Variants in EPM2A observed in about 807,000 individuals in gnomAD.
EPM2A encodes EPM2A glucan phosphatase, laforin.
In EPM2A, 21 loss-of-function variants were observed where a neutral mutation model predicts 26.5. The observed-to-expected ratio is 0.79, with a 90% CI of 0.56 to 1.14. The LOEUF (loss-of-function observed/expected upper bound fraction) is 1.14. Ranked by LOEUF, EPM2A falls within the 50% of genes most tolerant of loss-of-function variation. EPM2A has a pLI of 0.00. For missense variants in EPM2A, 458 were observed against 440.8 expected (o/e 1.04, Z -0.35); for synonymous variants, 217 against 177.6 (o/e 1.22, Z -1.76).
At chr6:145,590,193 T>C (rs899079414) in intron 2 of EPM2A, among the ~76,000 whole-genome samples, 5 of 152,034 alleles carry the variant, frequency 3.3e-5, no homozygotes, top group Non-Finnish European at 7.4e-5. Flanking sequence ...CTTGGGAAAA[T>C]CTTCACACTT....
intron 2 of EPM2A, among the ~76,000 whole-genome samples, chr6:145,582,020 T>C (rs1781121214): frequency 6.6e-6 from 1 of 151,212 alleles, no homozygotes; most frequent in Non-Finnish European, 1.5e-5. Flanking sequence ...GGTTCCTCTA[T>C]GTGTGATGTT....
intron 4 of EPM2A, among the ~76,000 whole-genome samples, chr6:145,445,551 C>T (rs138067188): frequency 6.6e-6 from 1 of 152,262 alleles, no homozygotes; most frequent in East Asian, 1.9e-4. Context: ...TAAAATTCTA[C>T]AGAGCTTACT....
intron 1 of EPM2A, among the ~76,000 whole-genome samples, chr6:145,689,738 A>ACACTTC (rs1480963280): frequency 7.9e-5 from 12 of 152,246 alleles, no homozygotes; most frequent in African/African-American, 2.9e-4. Flanking sequence ...AAGCATGGGT[A>ACACTTC]CACTTCCACT....
intron 2 of EPM2A, among the ~76,000 whole-genome samples, chr6:145,605,169 C>T (rs1371210554): frequency 6.6e-6 from 1 of 152,082 alleles, no homozygotes; most frequent in Non-Finnish European, 1.5e-5. Flanking sequence ...CCTTTAAATG[C>T]CAACTTGTAT....
intron 4 of EPM2A, among the ~76,000 whole-genome samples, chr6:145,437,512 C>A (rs977550093): frequency 6.6e-6 from 1 of 152,108 alleles, no homozygotes; most frequent in Non-Finnish European, 1.5e-5. Flanking sequence ...TTTGATTTCT[C>A]AATAAGAAAA....
chr6:145,707,623 G>C (rs564105826), intron 1 of EPM2A, among the ~76,000 whole-genome samples: 1 of 152,154 alleles, frequency 6.6e-6, no homozygotes, highest in African/African-American at 2.4e-5. Context: ...ATGTTCTCTT[G>C]TCTGCTGTCA....
intron 4 of EPM2A, among the ~76,000 whole-genome samples, chr6:145,384,321 A>G (rs1778229199): frequency 6.6e-6 from 1 of 152,208 alleles, no homozygotes; most frequent in Admixed American, 6.5e-5. Context: ...CTTTGCTTTA[A>G]CAAGATGGCT....
chr6:145,606,710 C>T (rs1270076771), intron 2 of EPM2A, among the ~76,000 whole-genome samples: 3 of 152,162 alleles, frequency 2.0e-5, no homozygotes, highest in African/African-American at 7.2e-5. Context: ...TCTGGTTAGT[C>T]TAGAAATGTT....
chr6:145,543,211 C>CT (rs67453085), intron 2 of EPM2A, among the ~76,000 whole-genome samples: 3 of 151,576 alleles, frequency 2.0e-5, no homozygotes, highest in Non-Finnish European at 2.9e-5. Flanking sequence ...AAAGGATGCT[C>CT]TTTTTTTTTC....
rs1775853204 is a variant in EPM2A, at chr6:145,626,948, C to T, written c.*468G>A. ...AGTGAGCTCTTCTTTTGTAACGGTT[C>T]AGGCTTCTAACCTTATTTCCTCCTT... is the stretch of plus-strand genomic sequence containing the variant. On this transcript the variant is annotated 3_prime_UTR_variant, in exon 4 of 4. Transcript: ENST00000367519. The T allele has an allele frequency of 1.9e-6, 2 of 1,029,792 alleles. No individual in the cohort carries two copies. Among genetic ancestry groups the T allele is most frequent in the Non-Finnish European group, 2.3e-6 (2 of 856,142 alleles). The allele number at this position is 1,029,792 out of a possible 1,614,324, so 63.8% of individuals were successfully genotyped here. A position where few individuals can be genotyped will look rare whatever the true frequency, so the allele number is the denominator to read the frequency against.
intron 2 of EPM2A, among the ~76,000 whole-genome samples, chr6:145,608,002 G>A (rs1030420184): frequency 2.0e-5 from 3 of 152,136 alleles, no homozygotes; most frequent in African/African-American, 7.2e-5. Flanking sequence ...TTGCCCCTCA[G>A]GCTGTTGTTT....
chr6:145,600,739 C>T (rs992745712), intron 2 of EPM2A, among the ~76,000 whole-genome samples: 1 of 152,180 alleles, frequency 6.6e-6, no homozygotes, highest in African/African-American at 2.4e-5. Flanking sequence ...TCTCAGTTGG[C>T]TCCCCAGCAA....
In EPM2A at chr6:145,485,376, G is replaced by A. The variant is rs995343488; in HGVS notation, c.555+17146C>T. Among the ~76,000 whole-genome samples, 4 of 152,236 alleles carry A rather than the reference G, an allele frequency of 2.6e-5. No homozygotes were observed. The South Asian group carries it at 6.2e-4, about 24-fold the overall frequency. ...ATTCGGGCTCCATGAGATCACTAGT[G>A]AAGTGGTGGGTAATTGAGTGGGAGT... On this transcript the variant is annotated intron_variant, in intron 4 of 4. Transcript: ENST00000638717.
chr6:145,430,669 G>A (rs1778910020), intron 4 of EPM2A, among the ~76,000 whole-genome samples: 1 of 151,948 alleles, frequency 6.6e-6, no homozygotes, highest in Non-Finnish European at 1.5e-5. Context: ...CAACAGAAGA[G>A]TAGTGGAATA....
At chr6:145,732,411 CATAT>C (rs759887054) in intron 1 of EPM2A, among the ~76,000 whole-genome samples, 5,019 of 56,292 alleles carry the variant, frequency 0.089, 274 homozygotes, top group African/African-American at 0.21. Context: ...CACACACACA[CATAT>C]ATATATATAT....
chr6:145,710,049 A>G (rs895455504), intron 1 of EPM2A, among the ~76,000 whole-genome samples: 1 of 152,190 alleles, frequency 6.6e-6, no homozygotes, highest in Middle Eastern at 3.2e-3. Flanking sequence ...TTCAGGACAT[A>G]GGCATGGGCA....
chr6:145,690,367 G>A (rs373356454), intron 1 of EPM2A, among the ~76,000 whole-genome samples: 1,754 of 151,428 alleles, frequency 0.012, 14 homozygotes, highest in Admixed American at 0.018. Context: ...AAAATTAGCC[G>A]GGTGCGGTGG....
intron 1 of EPM2A, among the ~76,000 whole-genome samples, chr6:145,698,912 A>G (rs1456362564): frequency 6.6e-6 from 1 of 152,230 alleles, no homozygotes; most frequent in African/African-American, 2.4e-5. Context: ...GATGGTGGCT[A>G]TCTGCAAGCC....
intron 4 of EPM2A, among the ~76,000 whole-genome samples, chr6:145,488,522 T>TGTGTGTGTGA (rs1201742298): frequency 1.3e-4 from 18 of 140,004 alleles, no homozygotes; most frequent in African/African-American, 5.0e-4. Flanking sequence ...TGTGTGTGTG[T>TGTGTGTGTGA]GAGAGAGAGA....
Sources: gnomAD v4.1 joint callset for allele counts (sites outside exome capture counted in the v4.1 genomes callset) on GRCh38, gnomAD v4.1.1 for gene constraint, MANE v1.5 for transcripts, NCBI Gene and HGNC (gene_info 2026-07-23, HGNC 2026-07-21) for gene names.